CADM2: variants seen among roughly 807,000 people sequenced by gnomAD.
The protein encoded by CADM2 is cell adhesion molecule 2.
Under a neutral mutation model 49.8 loss-of-function variants are expected in CADM2, and 12 were observed. The observed-to-expected ratio is 0.24, with a 90% CI of 0.15 to 0.39. CADM2 has a LOEUF of 0.39. CADM2 is among the 10% of genes least tolerant of loss of function. The pLI, the probability that CADM2 is intolerant of heterozygous loss-of-function variation, is 1.00. For missense variants in CADM2, 378 were observed against 492.3 expected, an observed-to-expected ratio of 0.77 and a Z score of 2.20; for synonymous variants, 214 against 175.4, an observed-to-expected ratio of 1.22 and a Z score of -1.74.
intron 1 of CADM2, among the ~76,000 whole-genome samples, chr3:85,697,114 C>CCAT (rs1559598955): frequency 7.1e-6 from 1 of 141,770 alleles, no homozygotes; most frequent in Non-Finnish European, 1.5e-5. Context: ...ATATATATGG[C>CCAT]ATATATATAT....
In CADM2 at chr3:85,500,774, C is replaced by A. The variant is rs576892611; in HGVS notation, c.62-225748C>A. On this transcript the variant is annotated intron_variant, in intron 1 of 9. Transcript: ENST00000383699. ...CCTCGTGATCCGCTTGCCTCGGCCT[C>A]CCAAAGTTCTGGGATTACAGGTGTG... Among the ~76,000 whole-genome samples, 7 of 152,228 alleles carry A rather than the reference C, an allele frequency of 4.6e-5. No individual in the cohort carries two copies. In the East Asian group the frequency reaches 1.2e-3, roughly 25 times the overall value.
intron 1 of CADM2, among the ~76,000 whole-genome samples, chr3:85,207,457 C>CTTCATATTCTTCTCATGTCTTTCTA (rs1310855239): frequency 2.6e-5 from 4 of 152,054 alleles, no homozygotes; most frequent in Non-Finnish European, 4.4e-5. Context: ...TTTATAATCT[C>CTTCATATTCTTCTCATGTCTTTCTA]TTCATATTCT....
intron 1 of CADM2, among the ~76,000 whole-genome samples, chr3:85,465,422 T>C (rs191298184): frequency 1.3e-5 from 2 of 152,238 alleles, no homozygotes; most frequent in African/African-American, 4.8e-5. Context: ...TAATGAGTAA[T>C]TTAAAAAGTC....
At chr3:85,154,323 G>A (rs1340435751) in intron 1 of CADM2, among the ~76,000 whole-genome samples, 1 of 152,130 alleles carries the variant, frequency 6.6e-6, no homozygotes, top group Non-Finnish European at 1.5e-5. Context: ...GCGATCAACT[G>A]GAAGAAAGGG....
At position 85,671,164 on chromosome 3, in the gene CADM2, T is replaced by C. The variant is rs540449029; in HGVS notation, c.62-55358T>C. Among the ~76,000 whole-genome samples, 135 of 152,306 alleles carry C rather than the reference T, an allele frequency of 8.9e-4. No homozygotes were observed. The Middle Eastern group carries it at 0.014, about 15-fold the overall frequency. ...TATAAAAGGAAGACTCTGCAGTGTTTCTATTAAATTGCATTTTTTCTTCTT... is the reference window on the plus strand; with the variant it reads ...TATAAAAGGAAGACTCTGCAGTGTTCCTATTAAATTGCATTTTTTCTTCTT... On this transcript the variant is annotated intron_variant, in intron 1 of 9. Transcript: ENST00000383699.
chr3:85,111,887 A>G (rs1172272519), intron 1 of CADM2, among the ~76,000 whole-genome samples: 2 of 151,900 alleles, frequency 1.3e-5, no homozygotes, highest in African/African-American at 4.8e-5. Context: ...TAGCAATAAT[A>G]GTCATATAAT....
chr3:85,547,321 G>C (rs1487947347), intron 1 of CADM2, among the ~76,000 whole-genome samples: 1 of 152,150 alleles, frequency 6.6e-6, no homozygotes, highest in Non-Finnish European at 1.5e-5. Flanking sequence ...ATGATTGTTT[G>C]AATTATACAG....
intron 1 of CADM2, among the ~76,000 whole-genome samples, chr3:85,385,016 A>G (rs2034139341): frequency 6.6e-6 from 1 of 151,958 alleles, no homozygotes; most frequent in Non-Finnish European, 1.5e-5. Flanking sequence ...GCTCACTGCC[A>G]CTGCCGCCTC....
At chr3:85,995,040 A>G (rs532918800) in intron 8 of CADM2, among the ~76,000 whole-genome samples, 1 of 150,948 alleles carries the variant, frequency 6.6e-6, no homozygotes, top group East Asian at 1.9e-4. Flanking sequence ...AAAAATCATT[A>G]TCTGCAGAGC....
At chr3:86,060,508 A>T (rs1738502821) in intron 8 of CADM2, among the ~76,000 whole-genome samples, 1 of 152,186 alleles carries the variant, frequency 6.6e-6, no homozygotes, top group African/African-American at 2.4e-5. Flanking sequence ...TCATCCCAAC[A>T]GTAAGATGAA....
At chr3:85,070,833 T>A (rs1306402063) in intron 1 of CADM2, among the ~76,000 whole-genome samples, 1 of 151,280 alleles carries the variant, frequency 6.6e-6, no homozygotes, top group Non-Finnish European at 1.5e-5. Flanking sequence ...ACCAAAAATA[T>A]AAAAAAATAG....
intron 1 of CADM2, among the ~76,000 whole-genome samples, chr3:85,398,615 C>A (rs2034919765): frequency 6.6e-6 from 1 of 152,162 alleles, no homozygotes; most frequent in African/African-American, 2.4e-5. Context: ...AGTGTACAGT[C>A]CCACCAACAG....
chr3:85,515,631 AT>A (rs1553734357), intron 1 of CADM2, among the ~76,000 whole-genome samples: 2 of 118,402 alleles, frequency 1.7e-5, no homozygotes, highest in African/African-American at 6.7e-5. Flanking sequence ...ATATATATAT[AT>A]TTTTTTTTTT....
At chr3:85,483,374 T>A (rs1427015435) in intron 1 of CADM2, among the ~76,000 whole-genome samples, 2 of 151,354 alleles carry the variant, frequency 1.3e-5, no homozygotes, top group Admixed American at 6.6e-5. Flanking sequence ...TTATGAAATT[T>A]TGCATATGTT....
chr3:85,763,396 T>A (rs2069493629), intron 2 of CADM2, among the ~76,000 whole-genome samples: 1 of 152,194 alleles, frequency 6.6e-6, no homozygotes, highest in Non-Finnish European at 1.5e-5. Flanking sequence ...TACTGATATA[T>A]TCAGAATGCT....
intron 1 of CADM2, among the ~76,000 whole-genome samples, chr3:85,367,463 T>G (rs917604117): frequency 1.3e-5 from 2 of 151,788 alleles, no homozygotes; most frequent in African/African-American, 4.8e-5. Flanking sequence ...TGCCGTTCAC[T>G]GCTTGGAGTC....
intron 1 of CADM2, among the ~76,000 whole-genome samples, chr3:85,464,490 C>T (rs1553726445): frequency 6.6e-6 from 1 of 152,114 alleles, no homozygotes; most frequent in Non-Finnish European, 1.5e-5. Flanking sequence ...GAAGTAAAGG[C>T]ACATCAAAGT....
intron 1 of CADM2, among the ~76,000 whole-genome samples, chr3:85,358,939 G>T (rs2032099899): frequency 6.6e-6 from 1 of 152,132 alleles, no homozygotes; most frequent in African/African-American, 2.4e-5. Flanking sequence ...ATCAACTGCA[G>T]GTTAGCACTT....
chr3:85,452,202 T>C (rs2037778479), intron 1 of CADM2, among the ~76,000 whole-genome samples: 2 of 152,168 alleles, frequency 1.3e-5, no homozygotes, highest in African/African-American at 4.8e-5. Flanking sequence ...GCCCATTTTA[T>C]GGATTACAAA....
Sources: allele counts gnomAD v4.1 joint callset (sites outside exome capture counted in the v4.1 genomes callset), GRCh38; gene constraint gnomAD v4.1.1; transcripts MANE v1.5; gene names NCBI Gene and HGNC (gene_info 2026-07-23, HGNC 2026-07-21).